FAM193B: variants seen among roughly 807,000 people sequenced by gnomAD.
FAM193B encodes family with sequence similarity 193 member B, also known as protein FAM193B.
A neutral mutation model predicts 70.7 loss-of-function variants in FAM193B; 27 were observed. That is an observed-to-expected ratio of 0.38 (90% CI 0.28 to 0.53). FAM193B has a LOEUF of 0.53. Among genes scored for constraint, FAM193B ranks in the 20% least tolerant of loss-of-function variants. FAM193B has a pLI of 0.81. For synonymous variants in FAM193B, 448 were observed against 436.0 expected, an observed-to-expected ratio of 1.03 and a Z score of -0.34; for missense variants, 1,022 against 1,072.5, an observed-to-expected ratio of 0.95 and a Z score of 0.66.
At chr5:177,553,293 C>G in intron 1 of FAM193B, 1 of 988,980 alleles carries the variant, frequency 1.0e-6, no homozygotes, top group Non-Finnish European at 1.2e-6. Context: ...TCCGCCACGC[C>G]TCATCCTCAT....
intron 8 of FAM193B, among the ~76,000 whole-genome samples, chr5:177,521,542 T>G (rs1221526530): frequency 6.6e-6 from 1 of 152,320 alleles, no homozygotes. Flanking sequence ...GGAAGTACCT[T>G]GGTAGCCTAC....
rs754908606 is a variant in FAM193B at position 177,536,533 on chromosome 5, G to A, written c.901C>T (p.Pro301Ser). The A allele has an allele frequency of 3.9e-6, 6 of 1,541,556 alleles. No individual in the cohort carries two copies. Among genetic ancestry groups the A allele is most frequent in the Non-Finnish European group, 4.3e-6 (5 of 1,150,300 alleles). The change falls in exon 4 of 9, where the codon CCC (proline) becomes TCC (serine). Residue 301 changes from proline (P) to serine (S), a missense_variant. Coordinates refer to ENST00000514747, the MANE Select transcript of FAM193B (RefSeq NM_001190946.3). The part of the protein sequence containing the change: ...SECPVAAATA[P>S]HTPGPCQSSH... Reference sequence around the variant, plus strand: ...CTCTGACATGGCCCTGGAGTGTGGGGGGCAGTGGCAGCAGCAACAGGGCAC... The same window carrying A: ...CTCTGACATGGCCCTGGAGTGTGGGAGGCAGTGGCAGCAGCAACAGGGCAC...
chr5:177,554,303 G>C lies in FAM193B; in HGVS notation c.156C>G (p.Pro52=), dbSNP rs1766756994. Residue 52 remains proline (P), a synonymous_variant, in exon 1 of 9, where the codon CCC becomes CCG. Coordinates refer to ENST00000514747, the MANE Select transcript of FAM193B (RefSeq NM_001190946.3). ...GAGPPEAPAE[P]DHDGPREDDE... is the part of the protein sequence containing the mutation. ...CATCCTCCCTGGGGCCGTCGTGGTC[G>C]GGCTCCGCCGGCGCCTCCGGAGGGC... The C allele has an allele frequency of 2.9e-6, 4 of 1,358,480 alleles. No homozygotes were observed. Among genetic ancestry groups the C allele is most frequent in the Non-Finnish European group, 3.8e-6 (4 of 1,048,472 alleles). The allele number at this position is 1,358,480 out of a possible 1,614,324, so 84.2% of individuals were successfully genotyped here.
intron 8 of FAM193B, among the ~76,000 whole-genome samples, chr5:177,521,183 G>A (rs1264370674): frequency 4.6e-5 from 7 of 152,226 alleles, no homozygotes; most frequent in Non-Finnish European, 7.3e-5. Context: ...ACAGCTGAGG[G>A]TTGAGATATG....
chr5:177,525,877 G>A (rs1762517145), intron 5 of FAM193B, among the ~76,000 whole-genome samples: 1 of 152,286 alleles, frequency 6.6e-6, no homozygotes, highest in Non-Finnish European at 1.5e-5. Context: ...GGCTTTGACA[G>A]ATCTGGATCT....
At chr5:177,552,563 G>C (rs993604692) in intron 1 of FAM193B, among the ~76,000 whole-genome samples, 2 of 152,250 alleles carry the variant, frequency 1.3e-5, no homozygotes, top group Middle Eastern at 3.2e-3. Flanking sequence ...TGAATGGGAA[G>C]AAGAGAAGAC....
At position 177,539,145 on chromosome 5, in the gene FAM193B, G is replaced by C. The variant is rs763924734; in HGVS notation, c.213C>G (p.Val71=). The C allele has an allele frequency of 2.4e-5, 37 of 1,561,244 alleles. No homozygotes were observed. The South Asian group carries it at 3.8e-4, about 16-fold the overall frequency. ...GCACAGGCTGGCTGGAGGCGGGGGG[G>C]ACCTGTCCAACAGACAGAAACAGGG... ...DEPNLVPGPQ[V]PPASSQPVQT... The change falls in exon 2 of 9, where the codon GTC becomes GTG. Residue 71 remains valine (V), a splice_region_variant and synonymous_variant. Transcript: ENST00000514747.
At chr5:177,545,873 GC>G (rs970509800) in intron 1 of FAM193B, among the ~76,000 whole-genome samples, 1 of 152,020 alleles carries the variant, frequency 6.6e-6, no homozygotes, top group African/African-American at 2.4e-5. Flanking sequence ...GTACAGGATT[GC>G]CCCAAGACAC....
At chr5:177,531,681 TC>T in intron 5 of FAM193B, 1 of 694,650 alleles carries the variant, frequency 1.4e-6, no homozygotes, top group Non-Finnish European at 2.0e-6. Context: ...CCAGGCTGAA[TC>T]CAGGCGGCAG....
At position 177,536,758 on chromosome 5, in the gene FAM193B, G is replaced by C. The variant is rs1468883917; in HGVS notation, c.689-13C>G. Reference sequence around the variant, plus strand: ...GGGAAAGCCTCACCTGTGGGCAGAGGGAGGAGAAAGGGGTCAGAATGGGAG... The same window carrying C: ...GGGAAAGCCTCACCTGTGGGCAGAGCGAGGAGAAAGGGGTCAGAATGGGAG... On this transcript the variant is annotated splice_polypyrimidine_tract_variant and intron_variant, in intron 3 of 8. Coordinates refer to ENST00000514747, the MANE Select transcript of FAM193B (RefSeq NM_001190946.3). The C allele has an allele frequency of 5.8e-6, 9 of 1,548,586 alleles. No homozygotes were observed. The highest frequency in any genetic ancestry group is 7.8e-6 in the Non-Finnish European group (9 of 1,147,458).
intron 1 of FAM193B, chr5:177,553,387 T>C: frequency 1.0e-6 from 1 of 1,004,172 alleles, no homozygotes; most frequent in Non-Finnish European, 1.2e-6. Context: ...CTCAAAACTC[T>C]TTTGTCAGAG....
intron 1 of FAM193B, chr5:177,547,345 C>T (rs1018646242): frequency 8.2e-6 from 1 of 122,058 alleles, no homozygotes; most frequent in East Asian, 2.5e-4. Context: ...AGTGCAGTGG[C>T]GCGATCTCGA....
intron 1 of FAM193B, among the ~76,000 whole-genome samples, chr5:177,543,936 G>A (rs908559904): frequency 6.6e-6 from 1 of 152,192 alleles, no homozygotes; most frequent in Non-Finnish European, 1.5e-5. Context: ...TCATCACAAA[G>A]GCTGATGGAA....
intron 8 of FAM193B, among the ~76,000 whole-genome samples, chr5:177,520,862 G>A (rs1761622562): frequency 1.3e-5 from 2 of 152,196 alleles, no homozygotes; most frequent in Non-Finnish European, 2.9e-5. Flanking sequence ...CCCTTCAGAG[G>A]AGAGGAGGAC....
intron 1 of FAM193B, among the ~76,000 whole-genome samples, chr5:177,551,370 C>T (rs2127494623): frequency 6.6e-6 from 1 of 152,200 alleles, no homozygotes; most frequent in African/African-American, 2.4e-5. Flanking sequence ...GGAAACAGAT[C>T]AATGTGGTTT....
intron 8 of FAM193B, among the ~76,000 whole-genome samples, chr5:177,520,699 C>G (rs1581820001): frequency 6.6e-6 from 1 of 152,176 alleles, no homozygotes; most frequent in South Asian, 2.1e-4. Context: ...TCTCTTTTCT[C>G]TCAGTAGGGA....
intron 1 of FAM193B, among the ~76,000 whole-genome samples, chr5:177,541,567 C>T (rs911012880): frequency 3.5e-4 from 53 of 152,112 alleles, no homozygotes; most frequent in Admixed American, 7.9e-4. Context: ...TACAGGTGCC[C>T]GCCACCACGC....
chr5:177,549,265 T>C (rs1765883619), intron 1 of FAM193B, among the ~76,000 whole-genome samples: 1 of 145,566 alleles, frequency 6.9e-6, no homozygotes, highest in Non-Finnish European at 1.5e-5. Flanking sequence ...CGATCTTGGC[T>C]CACTGCAAGC....
Position 177,540,123 on chromosome 5 carries a change from A to C in FAM193B, c.211-976T>G, listed in dbSNP as rs1003154763. Among the ~76,000 whole-genome samples the C allele has an allele frequency of 2.6e-5, 4 of 152,034 alleles. No individual in the cohort carries two copies. The East Asian group carries it at 7.7e-4, about 29-fold the overall frequency. ...AGATCGAAACCATCCTGGCTAACAC[A>C]GTGAAACCCCGTCTCCACTAAAAAC... On this transcript the variant is annotated intron_variant, in intron 1 of 8. Transcript: ENST00000514747.
Sources: gnomAD v4.1 joint callset for allele counts (sites outside exome capture counted in the v4.1 genomes callset) on GRCh38, gnomAD v4.1.1 for gene constraint, MANE v1.5 for transcripts, NCBI Gene and HGNC (gene_info 2026-07-23, HGNC 2026-07-21) for gene names.